PCDH15: variants seen among roughly 807,000 people sequenced by gnomAD.
The protein encoded by PCDH15 is protocadherin related 15.
A neutral mutation model predicts 178.5 loss-of-function variants in PCDH15; 129 were observed. The observed-to-expected ratio is 0.72, with a 90% CI of 0.63 to 0.84. PCDH15 has a LOEUF of 0.84. Among genes scored for constraint, PCDH15 ranks in the 40% least tolerant of loss-of-function variants. PCDH15 has a pLI of 0.00. For missense variants in PCDH15, 2,230 were observed against 2,099.9 expected (o/e 1.06, Z -1.21); for synonymous variants, 800 against 732.0 (o/e 1.09, Z -1.50).
chr10:54,163,075 G>A (rs1564570741), intron 13 of PCDH15, among the ~76,000 whole-genome samples: 1 of 152,084 alleles, frequency 6.6e-6, no homozygotes, highest in Non-Finnish European at 1.5e-5. Context: ...ATTCTCAAGG[G>A]CAATTATAAG....
chr10:54,757,007 C>T (rs1212861126), intron 1 of PCDH15, among the ~76,000 whole-genome samples: 4 of 25,474 alleles, frequency 1.6e-4, no homozygotes, highest in African/African-American at 4.9e-4. Flanking sequence ...ATGAAGCAAG[C>T]TCCCAATTGG....
chr10:54,288,572 AG>A (rs2059185867), intron 8 of PCDH15, among the ~76,000 whole-genome samples: 1 of 152,204 alleles, frequency 6.6e-6, no homozygotes, highest in Non-Finnish European at 1.5e-5. Flanking sequence ...CACCTCACCC[AG>A]GAAGCACAAG....
chr10:54,162,574 A>G (rs1001042704), intron 13 of PCDH15, among the ~76,000 whole-genome samples: 3 of 152,194 alleles, frequency 2.0e-5, no homozygotes, highest in South Asian at 2.1e-4. Flanking sequence ...CAAGAGTATA[A>G]TCTTCTTAGC....
intron 1 of PCDH15, among the ~76,000 whole-genome samples, chr10:54,691,425 T>C (rs1036956738): frequency 5.3e-5 from 8 of 152,026 alleles, no homozygotes; most frequent in Non-Finnish European, 1.0e-4. Context: ...TCCTATAAAT[T>C]TCCTTCAGTA....
At chr10:54,183,282 A>G (rs982495249) in intron 13 of PCDH15, among the ~76,000 whole-genome samples, 162 bp downstream of exon 13, 1 of 152,176 alleles carries the variant, frequency 6.6e-6, no homozygotes, top group Non-Finnish European at 1.5e-5. Flanking sequence ...ATATGCTTTT[A>G]TTTGAAAAGT....
upstream of PCDH15, among the ~76,000 whole-genome samples, chr10:54,805,052 A>G (rs1370518146): frequency 1.3e-5 from 2 of 149,088 alleles, no homozygotes; most frequent in Non-Finnish European, 1.5e-5. Context: ...TTAACTAAAT[A>G]TAATATTTCT....
At chr10:54,988,123 C>G (rs1224978701) in intron 2 of PCDH15, among the ~76,000 whole-genome samples, 1 of 152,122 alleles carries the variant, frequency 6.6e-6, no homozygotes, top group Non-Finnish European at 1.5e-5. Flanking sequence ...ATAGGAAATC[C>G]TTTCACCATT....
intron 5 of PCDH15, among the ~76,000 whole-genome samples, chr10:54,355,542 T>G (rs1486017973): frequency 1.3e-5 from 2 of 151,790 alleles, no homozygotes; most frequent in South Asian, 4.1e-4. Context: ...TCTGAAAAAA[T>G]GAGAAATAAA....
chr10:53,870,635 C>A (rs557250697), intron 26 of PCDH15, among the ~76,000 whole-genome samples: 2 of 152,190 alleles, frequency 1.3e-5, no homozygotes, highest in South Asian at 4.1e-4. Flanking sequence ...CCAATGGGTG[C>A]CATACTTAAG....
chr10:54,599,828 G>A lies in PCDH15; in HGVS notation c.91+64344C>T, dbSNP rs574970302. ...GAAGCCTCTAGTGAAAAAGAGGAAG[G>A]TGAGCAGAAAGAAGGAGAAACAGAG... On this transcript the variant is annotated intron_variant, in intron 2 of 37. Transcript: ENST00000644397. 1.1e-5 allele frequency: 7 copies of A among 619,988 alleles called. No homozygotes were observed. In the East Asian group the frequency reaches 2.5e-4, roughly 22 times the overall value. The allele number at this position is 619,988 out of a possible 1,614,324, so 38.4% of individuals were successfully genotyped here. A position where few individuals can be genotyped will look rare whatever the true frequency, so the allele number is the denominator to read the frequency against.
chr10:54,090,600 T>C (rs1279506793), intron 15 of PCDH15, among the ~76,000 whole-genome samples: 1 of 145,168 alleles, frequency 6.9e-6, no homozygotes, highest in Non-Finnish European at 1.5e-5. Flanking sequence ...GCTGAGATCA[T>C]GCCACTGCAC....
At chr10:53,918,927 G>A (rs1296928505) in intron 25 of PCDH15, among the ~76,000 whole-genome samples, 1 of 152,084 alleles carries the variant, frequency 6.6e-6, no homozygotes, top group East Asian at 1.9e-4. Flanking sequence ...GAGCCTCTAG[G>A]GCTGTATCTG....
rs546565294 is a variant in PCDH15, at chr10:54,695,221, C to T, written c.-28-30931G>A. On this transcript the variant is annotated intron_variant, in intron 1 of 37. Coordinates refer to ENST00000644397, the MANE Select transcript of PCDH15 (RefSeq NM_001384140.1). Reference sequence around the variant, plus strand: ...CCTAAAACTTAAAGTATAAACAAAACAAAACAAAACAGTCTGATTGTGGAT... The same window carrying T: ...CCTAAAACTTAAAGTATAAACAAAATAAAACAAAACAGTCTGATTGTGGAT... 2.0e-5 allele frequency among the ~76,000 whole-genome samples: 3 copies of T among 152,074 alleles called. No individual in the cohort carries two copies. The East Asian group carries it at 5.8e-4, about 30-fold the overall frequency.
intron 2 of PCDH15, among the ~76,000 whole-genome samples, chr10:54,609,747 C>A (rs2092899938): frequency 6.6e-6 from 1 of 151,898 alleles, no homozygotes; most frequent in African/African-American, 2.4e-5. Context: ...TAACCACCTC[C>A]CTCTCCCAAA....
At chr10:54,638,583 T>C (rs952880686) in intron 2 of PCDH15, among the ~76,000 whole-genome samples, 1 of 152,148 alleles carries the variant, frequency 6.6e-6, no homozygotes, top group African/African-American at 2.4e-5. Flanking sequence ...GCTTCCATTT[T>C]TTACACTTGT....
At position 53,804,286 on chromosome 10, in the gene PCDH15, T is replaced by C. The variant is rs1270365092; in HGVS notation, c.*2293A>G. 1 of 151,974 alleles carries C rather than the reference T, an allele frequency of 6.6e-6. No homozygotes were observed. Among genetic ancestry groups the C allele is most frequent in the Non-Finnish European group, 1.5e-5 (1 of 67,898 alleles). The allele number at this position is 151,974 out of a possible 1,614,324, so 9.4% of individuals were successfully genotyped here. A position where few individuals can be genotyped will look rare whatever the true frequency, so the allele number is the denominator to read the frequency against. Reference sequence around the variant, plus strand: ...AGTGGCTTGTAAAATTTTGCATATTTTCTCATAAAAAATGTAGTTTAAAAT... The same window carrying C: ...AGTGGCTTGTAAAATTTTGCATATTCTCTCATAAAAAATGTAGTTTAAAAT... On this transcript the variant is annotated 3_prime_UTR_variant, in exon 38 of 38. Transcript: ENST00000644397.
chr10:55,076,168 G>A (rs1841881538), intron 2 of PCDH15, among the ~76,000 whole-genome samples: 1 of 152,102 alleles, frequency 6.6e-6, no homozygotes, highest in African/African-American at 2.4e-5. Flanking sequence ...CTATTCTAGA[G>A]ACTGTTCCAT....
chr10:53,855,920 A>ATGTGTGTGTG (rs1554832797), intron 28 of PCDH15, among the ~76,000 whole-genome samples: 1 of 140,378 alleles, frequency 7.1e-6, no homozygotes, highest in Non-Finnish European at 1.5e-5. Flanking sequence ...ATATATATAT[A>ATGTGTGTGTG]TGTATGTGTG....
At chr10:54,160,214 C>T (rs981286193) in intron 13 of PCDH15, among the ~76,000 whole-genome samples, 3 of 152,074 alleles carry the variant, frequency 2.0e-5, no homozygotes, top group African/African-American at 7.2e-5. Context: ...AGTAGGACAC[C>T]TCAAGATTTC....
Sources: gnomAD v4.1 joint callset for allele counts (sites outside exome capture counted in the v4.1 genomes callset) on GRCh38, gnomAD v4.1.1 for gene constraint, MANE v1.5 for transcripts, NCBI Gene and HGNC (gene_info 2026-07-23, HGNC 2026-07-21) for gene names.